FAT3: variants seen among roughly 807,000 people sequenced by gnomAD.
FAT3 encodes the protein FAT atypical cadherin 3.
A neutral mutation model predicts 310.2 loss-of-function variants in FAT3; 95 were observed. The ratio of observed to expected loss-of-function variants is 0.31; its 90% CI spans 0.26 to 0.36. FAT3 has a LOEUF of 0.36. Ranked by LOEUF, FAT3 falls within the 10% of genes least tolerant of loss-of-function variation. The probability of loss-of-function intolerance (pLI) is 1.00; values close to 1 mark genes in which losing one functional copy is unlikely to be tolerated. For missense variants in FAT3, 5,408 were observed against 5,715.6 expected (o/e 0.95, Z 1.74); for synonymous variants, 2,314 against 2,192.9 (o/e 1.06, Z -1.54).
Position 92,355,284 on chromosome 11 carries a change from A to C in FAT3, c.3172A>C (p.Ile1058Leu). 6.2e-7 allele frequency: 1 copy of C among 1,613,862 alleles called. No homozygotes were observed. Among genetic ancestry groups the C allele is most frequent in the Non-Finnish European group, 8.5e-7 (1 of 1,179,870 alleles). The part of the protein sequence containing the change: ...VVGSVKENSR[I>L]GTSVLQVTAR... ...TGGATCTGTAAAGGAAAACTCACGCATTGGAACAAGCGTGCTGCAGGTGAC... is the reference window on the plus strand; with the variant it reads ...TGGATCTGTAAAGGAAAACTCACGCCTTGGAACAAGCGTGCTGCAGGTGAC... The change falls in exon 2 of 28, where the codon ATT becomes CTT. Residue 1058 changes from isoleucine (I) to leucine (L), a missense_variant. Physicochemically the swap from Ile to Leu is conservative, Grantham distance 5. Transcript: ENST00000525166.
chr11:92,303,370 G>T (rs1210243529), intron 1 of FAT3, among the ~76,000 whole-genome samples: 1 of 152,026 alleles, frequency 6.6e-6, no homozygotes, highest in African/African-American at 2.4e-5. Flanking sequence ...TGTCAGGAAG[G>T]AAATTCCCAT....
chr11:92,809,943 C>A lies in FAT3; in HGVS notation c.9348C>A (p.Asn3116Lys), dbSNP rs1947622844. 2 of 1,613,970 alleles carry A rather than the reference C, an allele frequency of 1.2e-6. No homozygotes were observed. Among genetic ancestry groups the A allele is most frequent in the Non-Finnish European group, 1.7e-6 (2 of 1,179,812 alleles). The change falls in exon 13 of 28, where the codon AAC (asparagine) becomes AAA (lysine). Residue 3116 changes from asparagine to lysine, a missense_variant. Around this residue, in one of 5 missense-constraint regions of FAT3, gnomAD observed 4,588 missense variants for 4,809.8 expected, o/e 0.95. Coordinates refer to ENST00000525166, the MANE Select transcript of FAT3 (RefSeq NM_001367949.2). ...GGGGTGGCAGGTTCTGCCAGTCCAA[C>A]ATCCACCTAATCCTGGAGGATGTGA... ...TDGGGRFCQS[N>K]IHLILEDVND...
At chr11:92,622,137 T>C (rs1338031949) in intron 3 of FAT3, among the ~76,000 whole-genome samples, 1 of 151,976 alleles carries the variant, frequency 6.6e-6, no homozygotes, top group Non-Finnish European at 1.5e-5. Context: ...AATACAAAAA[T>C]TATCCAGGCA....
intron 2 of FAT3, among the ~76,000 whole-genome samples, chr11:92,403,618 T>C (rs988426032): frequency 2.0e-5 from 3 of 152,192 alleles, no homozygotes; most frequent in Admixed American, 6.5e-5. Context: ...GGAGCTTATT[T>C]CCAGGGGTGT....
At chr11:92,368,845 T>TATATATATATATATATATATATAC (rs1196442457) in intron 2 of FAT3, among the ~76,000 whole-genome samples, 13 of 145,854 alleles carry the variant, frequency 8.9e-5, no homozygotes, top group African/African-American at 3.5e-4. Flanking sequence ...TATATATATA[T>TATATATATATATATATATATATAC]ATACACACAT....
At chr11:92,454,180 A>G (rs904734840) in intron 2 of FAT3, among the ~76,000 whole-genome samples, 3 of 152,180 alleles carry the variant, frequency 2.0e-5, no homozygotes, top group Non-Finnish European at 4.4e-5. Flanking sequence ...GCACACCTCA[A>G]TTTAGACTAG....
rs186860882 is a variant in FAT3, at chr11:92,375,045, A to G, written c.3292+19641A>G. ...CTGACCTGTTTAATAAAACATGCGC[A>G]CACACACACACACCATACCTAAATT... On this transcript the variant is annotated intron_variant, in intron 2 of 27. Coordinates refer to ENST00000525166, the MANE Select transcript of FAT3 (RefSeq NM_001367949.2). 4.0e-3 allele frequency among the ~76,000 whole-genome samples: 603 copies of G among 151,956 alleles called. 11 individuals carry two copies. The highest frequency in any genetic ancestry group is 0.034 in the Admixed American group (515 of 15,238).
chr11:92,631,572 C>A (rs773742578), intron 3 of FAT3, among the ~76,000 whole-genome samples: 1 of 152,108 alleles, frequency 6.6e-6, no homozygotes, highest in Admixed American at 6.6e-5. Context: ...TAAGACGTGC[C>A]TTTCTTCCCC....
chr11:92,473,480 A>T (rs193007576), intron 2 of FAT3, among the ~76,000 whole-genome samples: 1 of 152,244 alleles, frequency 6.6e-6, no homozygotes, highest in East Asian at 1.9e-4. Flanking sequence ...TTTTATCATC[A>T]TTGAGAGTAT....
chr11:92,428,833 T>C (rs1490111114), intron 2 of FAT3, among the ~76,000 whole-genome samples: 3 of 152,154 alleles, frequency 2.0e-5, no homozygotes, highest in Non-Finnish European at 4.4e-5. Flanking sequence ...TGCTATGTGG[T>C]GCTGAGATGA....
At chr11:92,276,818 G>T (rs990870831) in intron 1 of FAT3, among the ~76,000 whole-genome samples, 1 of 152,124 alleles carries the variant, frequency 6.6e-6, no homozygotes, top group Non-Finnish European at 1.5e-5. Flanking sequence ...TTGTTATGTG[G>T]CATTACTGTG....
chr11:92,330,178 G>T (rs1947876736), intron 1 of FAT3, among the ~76,000 whole-genome samples: 1 of 152,128 alleles, frequency 6.6e-6, no homozygotes, highest in Non-Finnish European at 1.5e-5. Flanking sequence ...ATGATAATGT[G>T]CCCATCTATG....
At chr11:92,696,113 A>G (rs1244437172) in intron 3 of FAT3, among the ~76,000 whole-genome samples, 9 of 120,580 alleles carry the variant, frequency 7.5e-5, no homozygotes, top group Non-Finnish European at 1.1e-4. Context: ...TACTATATAT[A>G]TATATACCAT....
intron 2 of FAT3, among the ~76,000 whole-genome samples, chr11:92,470,149 C>T (rs762153433): frequency 3.2e-4 from 49 of 152,262 alleles, no homozygotes; most frequent in African/African-American, 6.3e-4. Flanking sequence ...ATTTATTGCC[C>T]GAGGCAGAAC....
intron 1 of FAT3, among the ~76,000 whole-genome samples, chr11:92,276,280 CA>C (rs1262781049): frequency 1.2e-4 from 18 of 151,948 alleles, no homozygotes; most frequent in Admixed American, 1.1e-3. Flanking sequence ...AAGTTAGAGC[CA>C]AAAGTGACAC....
intron 23 of FAT3, among the ~76,000 whole-genome samples, chr11:92,881,529 G>T (rs1172211196): frequency 6.6e-6 from 1 of 152,098 alleles, no homozygotes; most frequent in African/African-American, 2.4e-5. Context: ...ATTTTGAATC[G>T]TTGGATGTAA....
At chr11:92,432,077 A>G (rs1030944484) in intron 2 of FAT3, among the ~76,000 whole-genome samples, 11 of 152,118 alleles carry the variant, frequency 7.2e-5, no homozygotes, top group African/African-American at 2.7e-4. Context: ...GAATCTATAA[A>G]TTACCTTGGG....
At chr11:92,644,708 G>T (rs1382934162) in intron 3 of FAT3, among the ~76,000 whole-genome samples, 1 of 152,194 alleles carries the variant, frequency 6.6e-6, no homozygotes, top group African/African-American at 2.4e-5. Context: ...GACATACCAG[G>T]CTTGTTATGC....
intron 3 of FAT3, among the ~76,000 whole-genome samples, chr11:92,678,287 C>T (rs1050946152): frequency 3.3e-5 from 5 of 152,134 alleles, no homozygotes; most frequent in Non-Finnish European, 7.4e-5. Context: ...GTCAGAGGTA[C>T]TTCTCATTTT....
Sources: allele counts gnomAD v4.1 joint callset (sites outside exome capture counted in the v4.1 genomes callset), GRCh38; gene constraint gnomAD v4.1.1; regional missense constraint gnomAD v4.1.1; transcripts MANE v1.5; gene names NCBI Gene and HGNC (gene_info 2026-07-23, HGNC 2026-07-21).